Variants in PER2 observed in about 807,000 individuals in gnomAD.
PER2 encodes the protein period circadian regulator 2, also known as period circadian protein homolog 2.
PER2 carries 66 observed loss-of-function variants against 121.0 expected under a neutral mutation model. The observed-to-expected ratio is 0.55, with a 90% CI of 0.45 to 0.67. The LOEUF is 0.67. PER2 is among the 30% of genes least tolerant of loss of function. The probability of loss-of-function intolerance (pLI) is 0.00; values close to 1 mark genes in which losing one functional copy is unlikely to be tolerated. For synonymous variants in PER2, 684 were observed against 659.9 expected (o/e 1.04, Z -0.56); for missense variants, 1,521 against 1,635.0 (o/e 0.93, Z 1.20).
chr2:238,287,240 C>T (rs1015069216), intron 1 of PER2, among the ~76,000 whole-genome samples: 8 of 152,252 alleles, frequency 5.3e-5, no homozygotes, highest in Non-Finnish European at 1.0e-4. Context: ...GTGCCATCCC[C>T]GCGCTGGCAC....
At chr2:238,248,568 G>T (rs897161999) in intron 22 of PER2, among the ~76,000 whole-genome samples, 1 of 152,110 alleles carries the variant, frequency 6.6e-6, no homozygotes, top group East Asian at 1.9e-4. Flanking sequence ...AGCCTTTTTG[G>T]AAACAACATT....
intron 18 of PER2, chr2:238,254,111 C>CCT: frequency 3.9e-6 from 1 of 256,384 alleles, no homozygotes; most frequent in Non-Finnish European, 7.5e-6. Context: ...CCACTGACCT[C>CCT]CTCTATTTTT....
intron 1 of PER2, among the ~76,000 whole-genome samples, chr2:238,286,796 A>G (rs771896535): frequency 9.9e-5 from 15 of 152,242 alleles, no homozygotes; most frequent in Non-Finnish European, 2.2e-4. Context: ...ATCGCTTAAA[A>G]ACAGCAGTGT....
At position 238,252,761 on chromosome 2, in the gene PER2, T is replaced by C; in HGVS notation, c.3111+151A>G. The C allele has an allele frequency of 3.9e-6, 3 of 775,070 alleles. No homozygotes were observed. The highest frequency in any genetic ancestry group is 7.0e-6 in the Non-Finnish European group (3 of 431,480). The allele number at this position is 775,070 out of a possible 1,614,324, so 48.0% of individuals were successfully genotyped here. On this transcript the variant is annotated intron_variant, in intron 19 of 22. Transcript: ENST00000254657. The surrounding 1 kb of genome is among the most constrained non-coding windows in gnomAD (Gnocchi z 4.2). ...GATAGGATTAAGTGGGAAGCATGAA[T>C]TTCTGGCACACACATTCATGGCAAA... is the stretch of plus-strand genomic sequence containing the variant.
At position 238,248,900 on chromosome 2, in the gene PER2, C is replaced by T. The variant is rs1695520146; in HGVS notation, c.3618+162G>A. ...TCGATCTCCTGACCTCGTGATCCAC[C>T]CGCTTCGGCCTCCCAAAGTGCTGGG... On this transcript the variant is annotated intron_variant, in intron 22 of 22. Coordinates refer to ENST00000254657, the MANE Select transcript of PER2 (RefSeq NM_022817.3). 7.9e-6 allele frequency: 6 copies of T among 759,974 alleles called. No individual in the cohort carries two copies. The Admixed American group carries it at 1.0e-4, about 13-fold the overall frequency. 47.1% of individuals were successfully genotyped at this position (759,974 alleles called of 1,614,324 possible).
At chr2:238,261,601 G>A (rs1695935327) in intron 12 of PER2, 128 bp downstream of exon 12, 1 of 709,460 alleles carries the variant, frequency 1.4e-6, no homozygotes, top group Non-Finnish European at 2.5e-6. Context: ...TCCCCTGGGG[G>A]ATGTTCAGAG....
At chr2:238,266,272 AC>A (rs1696109491) in intron 8 of PER2, among the ~76,000 whole-genome samples, 1 of 150,970 alleles carries the variant, frequency 6.6e-6, no homozygotes, top group Non-Finnish European at 1.5e-5. Flanking sequence ...TGAGTTACAT[AC>A]TTGGATTCAA....
intron 1 of PER2, among the ~76,000 whole-genome samples, chr2:238,278,553 G>A (rs996359547): frequency 3.9e-5 from 6 of 152,146 alleles, no homozygotes; most frequent in South Asian, 2.1e-4. Flanking sequence ...ATCAACACCC[G>A]GCCTGTGGGG....
At position 238,260,030 on chromosome 2, in the gene PER2, CTTG is replaced by C. The variant is rs2106375375; in HGVS notation, c.1563_1565del (p.Asn521del). ...GAGAATAATGACTTCTATTTTTGGT[CTTG>C]TTACCATTTTTACAAATTTCCTTGA... On this transcript the variant is annotated inframe_deletion, in exon 14 of 23. Coordinates refer to ENST00000254657, the MANE Select transcript of PER2 (RefSeq NM_022817.3). The C allele has an allele frequency of 1.3e-6, 2 of 1,504,514 alleles. No homozygotes were observed. The highest frequency in any genetic ancestry group is 1.8e-6 in the Non-Finnish European group (2 of 1,085,912). The allele number at this position is 1,504,514 out of a possible 1,614,324, so 93.2% of individuals were successfully genotyped here.
intron 4 of PER2, among the ~76,000 whole-genome samples, chr2:238,273,739 C>T (rs1696366284): frequency 6.6e-6 from 1 of 152,162 alleles, no homozygotes; most frequent in East Asian, 1.9e-4. Context: ...GATCTCAGCT[C>T]ACGGCAACCT....
chr2:238,283,036 C>T (rs1400282473), intron 1 of PER2, among the ~76,000 whole-genome samples: 1 of 151,900 alleles, frequency 6.6e-6, no homozygotes, highest in African/African-American at 2.4e-5. Flanking sequence ...ACTCGGATGA[C>T]GTGCCACACC....
chr2:238,258,413 C>T lies in PER2; in HGVS notation c.1776-13G>A, dbSNP rs1312029816. The T allele has an allele frequency of 1.5e-5, 25 of 1,614,050 alleles. 1 individual carries two copies. Among genetic ancestry groups the T allele is most frequent in the Non-Finnish European group, 2.1e-5 (25 of 1,180,036 alleles). On this transcript the variant is annotated splice_polypyrimidine_tract_variant and intron_variant, in intron 15 of 22. Coordinates refer to ENST00000254657, the MANE Select transcript of PER2 (RefSeq NM_022817.3). Reference sequence around the variant, plus strand: ...GCTCTCCAAGTACCTGTGTGAAAGGCATGAACCACTGGTGAGGCCACACAA... The same window carrying T: ...GCTCTCCAAGTACCTGTGTGAAAGGTATGAACCACTGGTGAGGCCACACAA...
chr2:238,291,755 C>A (rs1232587199), upstream of PER2, among the ~76,000 whole-genome samples: 1 of 152,210 alleles, frequency 6.6e-6, no homozygotes, highest in Non-Finnish European at 1.5e-5. Context: ...GGCAGGGAGA[C>A]CCTCAGCCAG....
chr2:238,292,264 T>C (rs1434022018), upstream of PER2, among the ~76,000 whole-genome samples: 1 of 152,260 alleles, frequency 6.6e-6, no homozygotes, highest in Non-Finnish European at 1.5e-5. Context: ...GTTCTTTGTT[T>C]AGGGGAGACA....
intron 20 of PER2, among the ~76,000 whole-genome samples, chr2:238,251,062 G>A (rs569552596): frequency 4.6e-5 from 7 of 152,368 alleles, no homozygotes; most frequent in African/African-American, 1.4e-4. Flanking sequence ...ACAGGGCACT[G>A]CAGTTTCCCA....
chr2:238,253,629 C>T lies in PER2; in HGVS notation c.2394G>A (p.Lys798=), dbSNP rs1216929961. Residue 798 remains lysine, a synonymous_variant, in exon 19 of 23, where the codon AAG becomes AAA. Coordinates refer to ENST00000254657, the MANE Select transcript of PER2 (RefSeq NM_022817.3). The surrounding 1 kb of genome is among the most constrained non-coding windows in gnomAD (Gnocchi z 5.6). ...WKKTGKNRKL[K]SKRVKPRDSS... ...AGTCTCGAGGTTTGACCCGCTTGGA[C>T]TTCAATTTTCTGTTCTTTCCTGTTT... is the stretch of plus-strand genomic sequence containing the variant. The T allele has an allele frequency of 6.2e-7, 1 of 1,609,374 alleles. No individual in the cohort carries two copies. The highest frequency in any genetic ancestry group is 1.1e-5 in the South Asian group (1 of 90,432).
intron 8 of PER2, among the ~76,000 whole-genome samples, chr2:238,265,803 C>T (rs1163615711): frequency 6.6e-6 from 1 of 152,148 alleles, no homozygotes; most frequent in Non-Finnish European, 1.5e-5. Flanking sequence ...TCTTTATATG[C>T]TAGTTTTAGT....
rs1695662575 is a variant in PER2 at position 238,253,290 on chromosome 2, A to G, written c.2733T>C (p.Tyr911=). 6.2e-7 allele frequency: 1 copy of G among 1,613,088 alleles called. No individual in the cohort carries two copies. The highest frequency in any genetic ancestry group is 8.5e-7 in the Non-Finnish European group (1 of 1,179,404). ...APVMAFMLPS[Y]SFPSGTPNLP... ...GGTTTGGGGTCCCCGAGGGGAAGGA[A>G]TAACTGGGTAGCATGAATGCCATGA... Residue 911 remains tyrosine, a synonymous_variant, in exon 19 of 23, where the codon TAT becomes TAC. Coordinates refer to ENST00000254657, the MANE Select transcript of PER2 (RefSeq NM_022817.3). This position sits in a 1 kb window ranked among gnomAD's most constrained non-coding sequence, Gnocchi z 5.6.
At chr2:238,256,830 C>A in intron 17 of PER2, 92 bp downstream of exon 17, 1 of 1,320,324 alleles carries the variant, frequency 7.6e-7, no homozygotes. Context: ...TGGTGGAGTT[C>A]TTCTGCACTT....
Sources: allele counts gnomAD v4.1 joint callset (sites outside exome capture counted in the v4.1 genomes callset), GRCh38; gene constraint gnomAD v4.1.1; non-coding constraint Gnocchi (gnomAD v3.1); transcripts MANE v1.5; gene names NCBI Gene and HGNC (gene_info 2026-07-23, HGNC 2026-07-21).